Variants in PLEKHA6 observed in about 807,000 individuals in gnomAD.
PLEKHA6 encodes pleckstrin homology domain-containing family A member 6.
Under a neutral mutation model 116.7 loss-of-function variants are expected in PLEKHA6, and 60 were observed. The ratio of observed to expected loss-of-function variants is 0.51; its 90% CI spans 0.42 to 0.64. The LOEUF is 0.64. Among genes scored for constraint, PLEKHA6 ranks in the 30% least tolerant of loss-of-function variants. The probability of loss-of-function intolerance (pLI) is 0.00; values close to 1 mark genes in which losing one functional copy is unlikely to be tolerated. For synonymous variants in PLEKHA6, 489 were observed against 556.1 expected, an observed-to-expected ratio of 0.88 and a Z score of 1.70; for missense variants, 1,338 against 1,422.7, an observed-to-expected ratio of 0.94 and a Z score of 0.96.
chr1:204,270,552 T>A (rs1035177395), intron 3 of PLEKHA6, among the ~76,000 whole-genome samples: 1 of 152,224 alleles, frequency 6.6e-6, no homozygotes, highest in Admixed American at 6.5e-5. Context: ...GGTCCCTCAT[T>A]CCTCTGTTCC....
At chr1:204,275,059 T>C (rs1265821298) in intron 1 of PLEKHA6, 1 of 401,328 alleles carries the variant, frequency 2.5e-6, no homozygotes, top group Non-Finnish European at 3.4e-6. Context: ...TAGAGTTCTC[T>C]GAGGCTGGAA....
intron 1 of PLEKHA6, among the ~76,000 whole-genome samples, chr1:204,282,299 C>T (rs1168358587): frequency 1.3e-5 from 2 of 152,196 alleles, no homozygotes; most frequent in East Asian, 3.8e-4. Flanking sequence ...CCTGACCTCC[C>T]ACCCTAGCTT....
chr1:204,344,043 A>T (rs1672940942), intron 1 of PLEKHA6, among the ~76,000 whole-genome samples: 1 of 152,086 alleles, frequency 6.6e-6, no homozygotes, highest in Admixed American at 6.6e-5. Context: ...AATCCCAGCT[A>T]CTCAGGAGTA....
At chr1:204,354,059 G>C (rs1026541321) in intron 1 of PLEKHA6, among the ~76,000 whole-genome samples, 1 of 152,184 alleles carries the variant, frequency 6.6e-6, no homozygotes, top group African/African-American at 2.4e-5. Flanking sequence ...CTAATTGCAA[G>C]AATTTGTCTA....
chr1:204,309,376 C>T (rs1196664322), intron 1 of PLEKHA6, among the ~76,000 whole-genome samples: 1 of 152,218 alleles, frequency 6.6e-6, no homozygotes, highest in Non-Finnish European at 1.5e-5. Flanking sequence ...CGCATAAGGT[C>T]GTTCTGGTCA....
intron 7 of PLEKHA6, among the ~76,000 whole-genome samples, chr1:204,260,877 G>T (rs1360120112): frequency 6.6e-6 from 1 of 152,234 alleles, no homozygotes; most frequent in Non-Finnish European, 1.5e-5. Flanking sequence ...GCTGGTTTTT[G>T]AGCAGAGGAA....
At chr1:204,263,208 A>G (rs1002952421) in intron 6 of PLEKHA6, among the ~76,000 whole-genome samples, 1 of 152,222 alleles carries the variant, frequency 6.6e-6, no homozygotes, top group Admixed American at 6.5e-5. Flanking sequence ...GGGCCTGGGA[A>G]AAGACAGGGC....
rs1181764874 is a variant in PLEKHA6 at position 204,228,212 on chromosome 1, G to A, written c.2902C>T (p.Pro968Ser). Residue 968 changes from proline (P) to serine (S), a missense_variant, in exon 21 of 23, where the codon CCC (proline) becomes TCC (serine). Pro to Ser is a moderately conservative substitution (Grantham distance 74). This residue lies in a region of PLEKHA6 where 1,136 missense variants were observed against 1,163.6 expected (regional missense o/e 0.98). Coordinates refer to ENST00000272203, the MANE Select transcript of PLEKHA6 (RefSeq NM_014935.5). This position sits in a 1 kb window ranked among gnomAD's most constrained non-coding sequence, Gnocchi z 4.0. ...TCCACAGAGTCCCCCTCGCCGATGG[G>A]CACCACGTTCTGCATACTGAAGAGG... ...IAKSSMQNVV[P>S]IGEGDSVDVP... is the part of the protein sequence containing the mutation. 3 of 1,608,044 alleles carry A rather than the reference G, an allele frequency of 1.9e-6. No homozygotes were observed. Among genetic ancestry groups the A allele is most frequent in the Non-Finnish European group, 2.6e-6 (3 of 1,176,292 alleles).
At chr1:204,235,180 T>A (rs1329521248) in intron 17 of PLEKHA6, among the ~76,000 whole-genome samples, 1 of 151,576 alleles carries the variant, frequency 6.6e-6, no homozygotes, top group Non-Finnish European at 1.5e-5. Context: ...CTGCTTAATA[T>A]GATTAGACCC....
At chr1:204,306,141 T>C (rs1011840331) in intron 1 of PLEKHA6, among the ~76,000 whole-genome samples, 1 of 152,220 alleles carries the variant, frequency 6.6e-6, no homozygotes, top group South Asian at 2.1e-4. Context: ...AATGTATATC[T>C]CACCACCCCA....
At chr1:204,289,152 C>A (rs978439347) in intron 1 of PLEKHA6, among the ~76,000 whole-genome samples, 2 of 152,106 alleles carry the variant, frequency 1.3e-5, no homozygotes, top group Admixed American at 1.3e-4. Flanking sequence ...GTCTCTAAAC[C>A]CCATATCAGA....
intron 1 of PLEKHA6, among the ~76,000 whole-genome samples, chr1:204,294,232 G>A (rs529990843): frequency 3.3e-5 from 5 of 152,326 alleles, no homozygotes; most frequent in African/African-American, 9.6e-5. Flanking sequence ...TTGTCCAGAA[G>A]ATAGGGTACT....
intron 1 of PLEKHA6, among the ~76,000 whole-genome samples, chr1:204,344,025 G>A (rs113610018): frequency 0.032 from 4,822 of 152,212 alleles, 97 homozygotes; most frequent in East Asian, 0.047. Context: ...TCAGTGGTGC[G>A]TGCCTATAAT....
At chr1:204,361,957 C>T (rs963517238), upstream of PLEKHA6, among the ~76,000 whole-genome samples, 1 of 152,238 alleles carries the variant, frequency 6.6e-6, no homozygotes, top group East Asian at 1.9e-4. Context: ...AACAGATGGG[C>T]CTGCTGGGCG....
chr1:204,228,463 C>G lies in PLEKHA6; in HGVS notation c.2886-235G>C, dbSNP rs947088882. Among the ~76,000 whole-genome samples, 3 of 152,118 alleles carry G rather than the reference C, an allele frequency of 2.0e-5. No homozygotes were observed. The highest frequency in any genetic ancestry group is 1.9e-4 in the East Asian group (1 of 5,170). On this transcript the variant is annotated intron_variant, in intron 20 of 22. Transcript: ENST00000272203. The surrounding 1 kb of genome is among the most constrained non-coding windows in gnomAD (Gnocchi z 4.0). ...AGGTTCAAGTGAGCATTTAGGGCAG[C>G]CTTGAAGGGGAAAAGAAGTCACCAG...
At chr1:204,325,909 C>A in intron 1 of PLEKHA6, 3 of 985,170 alleles carry the variant, frequency 3.0e-6, no homozygotes, top group Non-Finnish European at 3.6e-6. Flanking sequence ...GCTGCCAAAG[C>A]CAAGCACCGC....
chr1:204,250,569 T>C lies in PLEKHA6; in HGVS notation c.1570A>G (p.Lys524Glu). ...ACATCTGTGTCTTGCTCGTTTAACT[T>C]GTAGGTGTGGAGGCTGTCCCGGAAC... ...EVFRDSLHTYKLNEQDTDKLL... is the reference protein window; with the variant it reads ...EVFRDSLHTYELNEQDTDKLL... Residue 524 changes from lysine (K) to glutamate (E), a missense_variant, in exon 10 of 23, where the codon AAG becomes GAG. Lys to Glu is a moderately conservative substitution (Grantham distance 56, BLOSUM62 1). This residue lies in a region of PLEKHA6 where 1,136 missense variants were observed against 1,163.6 expected (regional missense o/e 0.98). Transcript: ENST00000272203. The C allele has an allele frequency of 5.6e-6, 9 of 1,612,884 alleles. No homozygotes were observed. Among genetic ancestry groups the C allele is most frequent in the Non-Finnish European group, 7.6e-6 (9 of 1,179,558 alleles).
chr1:204,236,251 CT>C (rs942719044), intron 17 of PLEKHA6, among the ~76,000 whole-genome samples: 6 of 152,232 alleles, frequency 3.9e-5, no homozygotes, highest in African/African-American at 1.2e-4. Flanking sequence ...AGTTTATTTG[CT>C]TGGTTAGCTG....
At chr1:204,363,792 G>A (rs928924864), upstream of PLEKHA6, among the ~76,000 whole-genome samples, 2 of 152,100 alleles carry the variant, frequency 1.3e-5, no homozygotes, top group African/African-American at 4.8e-5. Flanking sequence ...GAGACGCTGT[G>A]AGCAAACCCC....
Sources: allele counts gnomAD v4.1 joint callset (sites outside exome capture counted in the v4.1 genomes callset), GRCh38; gene constraint gnomAD v4.1.1; regional missense constraint gnomAD v4.1.1; non-coding constraint Gnocchi (gnomAD v3.1); transcripts MANE v1.5; gene names NCBI Gene and HGNC (gene_info 2026-07-23, HGNC 2026-07-21).